CENATAC: variants seen among roughly 807,000 people sequenced by gnomAD.
CENATAC encodes the protein centrosomal AT-AC splicing factor, also known as coiled-coil domain containing 84.
Under a neutral mutation model 53.7 loss-of-function variants are expected in CENATAC, and 53 were observed. The ratio of observed to expected loss-of-function variants is 0.99; its 90% CI spans 0.79 to 1.24. The LOEUF is 1.24. Ranked by LOEUF, CENATAC falls within the 50% of genes most tolerant of loss-of-function variation. CENATAC has a pLI of 0.00. For synonymous variants in CENATAC, 156 were observed against 144.6 expected (o/e 1.08, Z -0.57); for missense variants, 474 against 417.8 (o/e 1.13, Z -1.17).
At chr11:119,010,732 G>C in intron 3 of CENATAC, 32 bp from the exon 4 acceptor site, 4 of 1,604,132 alleles carry the variant, frequency 2.5e-6, no homozygotes, top group Non-Finnish European at 3.4e-6. Flanking sequence ...TGGGGAATGG[G>C]TTCTGGGTGG....
intron 8 of CENATAC, chr11:119,014,782 A>G: frequency 2.4e-6 from 1 of 410,144 alleles, no homozygotes; most frequent in Admixed American, 4.1e-5. Context: ...CGTTTATGTC[A>G]GTTGTGCCTC....
intron 3 of CENATAC, chr11:119,006,066 G>A (rs1375820006): frequency 7.5e-6 from 1 of 132,924 alleles, no homozygotes; most frequent in Non-Finnish European, 1.6e-5. Flanking sequence ...GGCCTTCAGA[G>A]TAGGCAGGAT....
At chr11:119,011,916 T>A in intron 5 of CENATAC, 23 bp from the exon 6 acceptor site, 1 of 1,612,578 alleles carries the variant, frequency 6.2e-7, no homozygotes, top group Non-Finnish European at 8.5e-7. Context: ...CAGACACATT[T>A]ATTTTTCCTG....
chr11:119,002,931 A>C, intron 3 of CENATAC: 7 of 392,316 alleles, frequency 1.8e-5, no homozygotes, highest in Non-Finnish European at 3.0e-5. Flanking sequence ...TATTACAGGC[A>C]TGCGCCACCA....
At position 119,003,619 on chromosome 11, in the gene CENATAC, C is replaced by CTTTTTT. The variant is rs782023708; in HGVS notation, c.383+4511_383+4512insTTTTTT. 550 of 110,878 alleles carry CTTTTTT rather than the reference C, an allele frequency of 5.0e-3. 4 individuals carry two copies. Among genetic ancestry groups the CTTTTTT allele is most frequent in the African/African-American group, 0.024 (510 of 20,830 alleles). The allele number at this position is 110,878 out of a possible 1,614,324, so 6.9% of individuals were successfully genotyped here. A position where few individuals can be genotyped will look rare whatever the true frequency, so the allele number is the denominator to read the frequency against. On this transcript the variant is annotated intron_variant, in intron 3 of 10. Transcript: ENST00000334418. ...GGCCAATAATTAGAAATATTTCTCT[C>CTTTTTT]TCTTTTTTTTTTTTTTTTTTGGGAG...
chr11:118,999,674 G>A (rs782014985), intron 3 of CENATAC, among the ~76,000 whole-genome samples: 6 of 150,348 alleles, frequency 4.0e-5, no homozygotes, highest in Non-Finnish European at 5.9e-5. Context: ...TTTATTTTTC[G>A]CTCTGTTGCC....
At chr11:119,008,249 C>T (rs142494408) in intron 3 of CENATAC, among the ~76,000 whole-genome samples, 2,963 of 152,252 alleles carry the variant, frequency 0.019, 88 homozygotes, top group African/African-American at 0.068. Context: ...AGGACCTGCA[C>T]CGGCACCGGC....
At chr11:119,012,476 C>T (rs992036032) in intron 7 of CENATAC, 9 of 473,940 alleles carry the variant, frequency 1.9e-5, no homozygotes, top group Admixed American at 3.5e-5. Flanking sequence ...AAATCTTGCC[C>T]TCTGTAGAAC....
chr11:119,011,893 C>T, intron 5 of CENATAC, 46 bp from the exon 6 acceptor site: 1 of 1,572,808 alleles, frequency 6.4e-7, no homozygotes, highest in Admixed American at 1.7e-5. Context: ...CCTAGGCAGG[C>T]TCTTAAGCAT....
chr11:119,011,895 C>T (rs781900183), intron 5 of CENATAC, 44 bp from the exon 6 acceptor site: 7 of 1,585,614 alleles, frequency 4.4e-6, no homozygotes, highest in Non-Finnish European at 6.1e-6. Context: ...TAGGCAGGCT[C>T]TTAAGCATCC....
At chr11:119,008,230 A>G (rs1035702151) in intron 3 of CENATAC, among the ~76,000 whole-genome samples, 1 of 152,262 alleles carries the variant, frequency 6.6e-6, no homozygotes, top group African/African-American at 2.4e-5. Flanking sequence ...ACTGGTGCTC[A>G]GCACACCAAG....
At chr11:119,000,670 C>T (rs926447009) in intron 3 of CENATAC, among the ~76,000 whole-genome samples, 4 of 151,958 alleles carry the variant, frequency 2.6e-5, no homozygotes, top group African/African-American at 7.2e-5. Context: ...ACAGGAGAAT[C>T]GCTTGAACCT....
At chr11:119,004,135 T>C (rs1349260185) in intron 3 of CENATAC, among the ~76,000 whole-genome samples, 1 of 152,230 alleles carries the variant, frequency 6.6e-6, no homozygotes, top group Non-Finnish European at 1.5e-5. Flanking sequence ...AAAGGCATCA[T>C]GAGTACTCTG....
chr11:119,012,460 A>G (rs986696290), intron 7 of CENATAC: 10 of 526,936 alleles, frequency 1.9e-5, no homozygotes, highest in Admixed American at 6.5e-5. Context: ...AGGAGTGCCA[A>G]CTCCTAAATC....
At position 119,006,722 on chromosome 11, in the gene CENATAC, T is replaced by A. The variant is rs371372449; in HGVS notation, c.384-4042T>A. 2.6e-4 allele frequency among the ~76,000 whole-genome samples: 39 copies of A among 152,298 alleles called. 1 individual carries two copies. The East Asian group carries it at 5.4e-3, about 21-fold the overall frequency. On this transcript the variant is annotated intron_variant, in intron 3 of 10. Transcript: ENST00000334418. ...TCATTCATCAACCTCTGTGATATGG[T>A]TTAGCTGTGTCCCCACCCAAATTTT...
At chr11:119,009,706 C>T (rs782624184) in intron 3 of CENATAC, 1 of 152,174 alleles carries the variant, frequency 6.6e-6, no homozygotes, top group Non-Finnish European at 1.5e-5. Context: ...TCAAGGCTCT[C>T]AGGGAACACT....
Position 119,008,639 on chromosome 11 carries a change from G to A in CENATAC, c.384-2125G>A, listed in dbSNP as rs1592067213. Among the ~76,000 whole-genome samples the A allele has an allele frequency of 2.6e-5, 4 of 152,316 alleles. No individual in the cohort carries two copies. In the East Asian group the frequency reaches 7.7e-4, roughly 29 times the overall value. On this transcript the variant is annotated intron_variant, in intron 3 of 10. Transcript: ENST00000334418. ...TGGCCTTCCTCCATCTCACCTGCAA[G>A]AGGCTTTCCTCTTTTACTAATCCAC... is the stretch of plus-strand genomic sequence containing the variant.
At chr11:119,008,536 T>G (rs955124022) in intron 3 of CENATAC, among the ~76,000 whole-genome samples, 7 of 152,194 alleles carry the variant, frequency 4.6e-5, no homozygotes, top group African/African-American at 1.7e-4. Flanking sequence ...GCAGCTTTTC[T>G]CCCATCTCAG....
chr11:119,006,811 T>TG (rs1009401419), intron 3 of CENATAC, among the ~76,000 whole-genome samples: 1 of 152,244 alleles, frequency 6.6e-6, no homozygotes, highest in African/African-American at 2.4e-5. Context: ...AACTGAATCA[T>TG]GGGGGCGTTT....
Sources: allele counts gnomAD v4.1 joint callset (sites outside exome capture counted in the v4.1 genomes callset), GRCh38; gene constraint gnomAD v4.1.1; transcripts MANE v1.5; gene names NCBI Gene and HGNC (gene_info 2026-07-23, HGNC 2026-07-21).